HEMK2: variants seen among roughly 807,000 people sequenced by gnomAD.
HEMK2 encodes the protein HemK methyltransferase 2, ETF1 glutamine and histone H4 lysine, also known as methyltransferase HEMK2.
chr21:28,782,778 CTG>C, the HEMK2 span, among the ~76,000 whole-genome samples: 2 of 152,204 alleles, frequency 1.3e-5, no homozygotes, highest in Non-Finnish European at 2.9e-5. Context: ...TTACACAACT[CTG>C]TGAATATAGT....
the HEMK2 span, among the ~76,000 whole-genome samples, chr21:28,842,577 G>A: frequency 6.6e-6 from 1 of 152,116 alleles, no homozygotes; most frequent in Non-Finnish European, 1.5e-5. Context: ...TTGCTCATGT[G>A]GCAGTCACTG....
At chr21:28,628,858 T>A in the HEMK2 span, among the ~76,000 whole-genome samples, 1 of 152,252 alleles carries the variant, frequency 6.6e-6, no homozygotes, top group Non-Finnish European at 1.5e-5. Flanking sequence ...CCTGCATCCA[T>A]GTGCTCTGGC....
the HEMK2 span, among the ~76,000 whole-genome samples, chr21:28,628,664 G>A: frequency 6.6e-6 from 1 of 152,182 alleles, no homozygotes; most frequent in Non-Finnish European, 1.5e-5. Context: ...ATGTTGGCCA[G>A]GCTAGTCTCA....
the HEMK2 span, among the ~76,000 whole-genome samples, chr21:28,810,389 T>G: frequency 2.0e-5 from 3 of 152,026 alleles, no homozygotes. Flanking sequence ...AGTCAATAAA[T>G]CAAAAAGGGC....
the HEMK2 span, among the ~76,000 whole-genome samples, chr21:28,707,355 A>G: frequency 6.6e-6 from 1 of 150,810 alleles, no homozygotes; most frequent in African/African-American, 2.5e-5. Flanking sequence ...TCCCCCATTC[A>G]AGTGATCCTC....
the HEMK2 span, among the ~76,000 whole-genome samples, chr21:28,850,797 C>T: frequency 0.26 from 39,405 of 151,970 alleles, 5,866 homozygotes; most frequent in African/African-American, 0.4. Flanking sequence ...AGGGAGTTTA[C>T]TAAGGGGAGT....
chr21:28,885,343 C>T, the HEMK2 span: 11 of 1,566,110 alleles, frequency 7.0e-6, no homozygotes, highest in Non-Finnish European at 8.7e-6. Flanking sequence ...TCTCCCCTGC[C>T]ATAGTCCTTC....
the HEMK2 span, among the ~76,000 whole-genome samples, chr21:28,645,682 G>T: frequency 1.3e-5 from 2 of 152,104 alleles, no homozygotes; most frequent in Admixed American, 1.3e-4. Flanking sequence ...GGGACTTTGG[G>T]AGTTGATCAG....
At chr21:28,600,626 G>T in the HEMK2 span, among the ~76,000 whole-genome samples, 2,716 of 152,256 alleles carry the variant, frequency 0.018, 108 homozygotes, top group African/African-American at 0.063. Context: ...TTATGCAAAT[G>T]TCTGCAACTA....
the HEMK2 span, among the ~76,000 whole-genome samples, chr21:28,772,959 C>T: frequency 9.9e-5 from 15 of 152,244 alleles, no homozygotes; most frequent in African/African-American, 3.4e-4. Context: ...CATCCAATAA[C>T]GATTGATTAA....
At chr21:28,843,755 A>C in the HEMK2 span, among the ~76,000 whole-genome samples, 1 of 152,152 alleles carries the variant, frequency 6.6e-6, no homozygotes, top group Non-Finnish European at 1.5e-5. Context: ...TGTGGATATT[A>C]CTATTCATGG....
chr21:28,863,413 TATATATATATATATATATATATATATA>T, the HEMK2 span, among the ~76,000 whole-genome samples: 159 of 24,140 alleles, frequency 6.6e-3, 7 homozygotes, highest in Admixed American at 0.032. Context: ...CTCCCTTTTA[TATATATATATATATATATATATATATA>T]TATATATATA....
At chr21:28,831,589 AGG>A in the HEMK2 span, among the ~76,000 whole-genome samples, 2 of 83,286 alleles carry the variant, frequency 2.4e-5, no homozygotes, top group Admixed American at 1.3e-4. Flanking sequence ...GAAGGAAAGA[AGG>A]AAAGAAGGAA....
At chr21:28,854,577 G>T in the HEMK2 span, among the ~76,000 whole-genome samples, 1 of 152,072 alleles carries the variant, frequency 6.6e-6, no homozygotes, top group Non-Finnish European at 1.5e-5. Flanking sequence ...CAATCATAAG[G>T]TCCCACAATA....
At chr21:28,652,307 T>G in the HEMK2 span, among the ~76,000 whole-genome samples, 1 of 152,202 alleles carries the variant, frequency 6.6e-6, no homozygotes, top group African/African-American at 2.4e-5. Context: ...TTCTTGGGCA[T>G]GTCATTGCCC....
the HEMK2 span, among the ~76,000 whole-genome samples, chr21:28,812,533 G>A: frequency 1.4e-3 from 211 of 152,250 alleles, 1 homozygote; most frequent in African/African-American, 4.6e-3. Flanking sequence ...TGCTAGATTC[G>A]GTTTGCCAGT....
chr21:28,655,437 G>A, the HEMK2 span, among the ~76,000 whole-genome samples: 10 of 152,068 alleles, frequency 6.6e-5, 1 homozygote, highest in South Asian at 1.9e-3. Flanking sequence ...AAATCCATTT[G>A]AATTCATCAA....
the HEMK2 span, among the ~76,000 whole-genome samples, chr21:28,614,860 CA>C: frequency 6.6e-6 from 1 of 152,122 alleles, no homozygotes; most frequent in Admixed American, 6.5e-5. Context: ...TTTTGAGTTT[CA>C]AAACCCTTCA....
the HEMK2 span, among the ~76,000 whole-genome samples, chr21:28,723,652 G>A: frequency 1.3e-5 from 2 of 152,130 alleles, no homozygotes; most frequent in African/African-American, 4.8e-5. Context: ...TTACCTCTTG[G>A]AGCTTGTTTC....
Sources: allele counts gnomAD v4.1 joint callset (sites outside exome capture counted in the v4.1 genomes callset), GRCh38; gene constraint gnomAD v4.1.1; transcripts MANE v1.5; gene names NCBI Gene and HGNC (gene_info 2026-07-23, HGNC 2026-07-21).